PRKCD: variants seen among roughly 807,000 people sequenced by gnomAD.
PRKCD encodes protein kinase C delta type.
Under a neutral mutation model 82.2 loss-of-function variants are expected in PRKCD, and 20 were observed. The ratio of observed to expected loss-of-function variants is 0.24; its 90% CI spans 0.17 to 0.35. PRKCD has a LOEUF of 0.35. Ranked by LOEUF, PRKCD falls within the 10% of genes least tolerant of loss-of-function variation. The pLI is 1.00. For missense variants in PRKCD, 607 were observed against 899.0 expected (o/e 0.68, Z 4.15); for synonymous variants, 317 against 337.0 (o/e 0.94, Z 0.65).
chr3:53,177,619 A>G (rs1703255065), intron 2 of PRKCD, among the ~76,000 whole-genome samples: 1 of 152,202 alleles, frequency 6.6e-6, no homozygotes, highest in Admixed American at 6.5e-5. Context: ...TGGGAGAAAG[A>G]GGCAGTACTG....
chr3:53,168,154 C>T lies in PRKCD; in HGVS notation c.-20+2939C>T, dbSNP rs3773730. Among the ~76,000 whole-genome samples the T allele has an allele frequency of 3.9e-4, 60 of 152,346 alleles. No homozygotes were observed. The East Asian group carries it at 0.011, about 29-fold the overall frequency. Reference sequence around the variant, plus strand: ...AGGGGGTGGACGTAAGCCCTCCTGCCAGCCTGCTTACCCTTCAGACCCCTG... The same window carrying T: ...AGGGGGTGGACGTAAGCCCTCCTGCTAGCCTGCTTACCCTTCAGACCCCTG... On this transcript the variant is annotated intron_variant, in intron 2 of 18. Transcript: ENST00000330452.
chr3:53,190,632 C>T (rs1349762196), intron 18 of PRKCD, among the ~76,000 whole-genome samples: 7 of 152,208 alleles, frequency 4.6e-5, no homozygotes, highest in African/African-American at 7.2e-5. Context: ...ACCAAGGAAC[C>T]AGCCTGAGAG....
intron 8 of PRKCD, 65 bp downstream of exon 8, chr3:53,183,271 C>T (rs910061924): frequency 5.7e-6 from 9 of 1,585,458 alleles, no homozygotes; most frequent in East Asian, 4.5e-5. Flanking sequence ...GGGATTTGCA[C>T]CCTCTCCCCA....
chr3:53,181,919 T>C (rs1181750213), intron 7 of PRKCD, 187 bp downstream of exon 7: 1 of 827,954 alleles, frequency 1.2e-6, no homozygotes, highest in African/African-American at 1.7e-5. Context: ...GAAAACCAGT[T>C]CTGCGCATCT....
At position 53,185,658 on chromosome 3, in the gene PRKCD, G is replaced by C; in HGVS notation, c.943G>C (p.Gly315Arg). ...ASSEPVGIYQ[G>R]FEKKTGVAGE... ...CTCAGAGCCTGTTGGGATATATCAG[G>C]GTTTCGAGAAGAAGACCGGAGTTGC... Residue 315 changes from glycine (G) to arginine (R), a missense_variant, in exon 11 of 19, where the codon GGT becomes CGT. By Grantham distance (125) the Gly-to-Arg change is moderately radical. This residue lies in a region of PRKCD where 85 missense variants were observed against 76.1 expected (regional missense o/e 1.12). Transcript: ENST00000330452. The C allele has an allele frequency of 1.2e-6, 2 of 1,612,978 alleles. No individual in the cohort carries two copies. Among genetic ancestry groups the C allele is most frequent in the Non-Finnish European group, 1.7e-6 (2 of 1,180,012 alleles).
rs1299665569 is a variant in PRKCD at position 53,181,190 on chromosome 3, C to A, written c.316-17C>A. 6.2e-7 allele frequency: 1 copy of A among 1,612,498 alleles called. No individual in the cohort carries two copies. Among genetic ancestry groups the A allele is most frequent in the East Asian group, 2.2e-5 (1 of 44,838 alleles). ...CCTCACTGACCTTGTTCTCCCCTGG[C>A]CTCTGGCCCCCAACAGCTGGACCTG... On this transcript the variant is annotated splice_polypyrimidine_tract_variant and intron_variant, in intron 4 of 18. Coordinates refer to ENST00000330452, the MANE Select transcript of PRKCD (RefSeq NM_006254.4).
In PRKCD at chr3:53,179,824, G is replaced by C. The variant is rs112577743; in HGVS notation, c.315+48G>C. 44 of 837,208 alleles carry C rather than the reference G, an allele frequency of 5.3e-5. No homozygotes were observed. The Middle Eastern group carries it at 1.6e-3, about 30-fold the overall frequency. 51.9% of individuals were successfully genotyped at this position (837,208 alleles called of 1,614,324 possible). ...CGTGTGTGTGTGTGTGTGTGTCTGT[G>C]TGTGTGTGCATGCGTGCATGTGTGT... On this transcript the variant is annotated intron_variant, in intron 4 of 18. Transcript: ENST00000330452.
At chr3:53,189,480 C>G (rs186910580) in intron 17 of PRKCD, among the ~76,000 whole-genome samples, 2 of 152,186 alleles carry the variant, frequency 1.3e-5, no homozygotes, top group Non-Finnish European at 2.9e-5. Flanking sequence ...GAGACAGACC[C>G]GAGGCCAAAT....
chr3:53,167,330 G>A (rs1366099587), intron 2 of PRKCD, among the ~76,000 whole-genome samples: 1 of 152,224 alleles, frequency 6.6e-6, no homozygotes, highest in Non-Finnish European at 1.5e-5. Flanking sequence ...GGCTCTAGGA[G>A]AAGGGCAGGG....
chr3:53,168,356 G>A (rs11715660), intron 2 of PRKCD, among the ~76,000 whole-genome samples: 2,405 of 152,360 alleles, frequency 0.016, 32 homozygotes, highest in Non-Finnish European at 0.024. Flanking sequence ...GGCCTTCACT[G>A]TGTGGGGCCC....
In PRKCD at chr3:53,183,101, T is replaced by C. The variant is rs782012946; in HGVS notation, c.572-20T>C. 9 of 1,613,490 alleles carry C rather than the reference T, an allele frequency of 5.6e-6. No individual in the cohort carries two copies. In the South Asian group the frequency reaches 9.9e-5, roughly 18 times the overall value. On this transcript the variant is annotated intron_variant, in intron 7 of 18. Transcript: ENST00000330452. ...TCCCGGTGCTTTCCCTTCCCCCTCC[T>C]GGGCCTGTGCCTCTTCAAGAATGTA...
intron 7 of PRKCD, among the ~76,000 whole-genome samples, chr3:53,182,588 T>C (rs1401313024): frequency 6.6e-6 from 1 of 152,118 alleles, no homozygotes; most frequent in African/African-American, 2.4e-5. Context: ...AAATTAGATA[T>C]AACTATAATG....
chr3:53,181,283 G>T lies in PRKCD; in HGVS notation c.376+16G>T, dbSNP rs782642410. The T allele has an allele frequency of 1.9e-4, 305 of 1,613,344 alleles. No homozygotes were observed. The highest frequency in any genetic ancestry group is 7.6e-6 in the Non-Finnish European group (9 of 1,179,704). On this transcript the variant is annotated intron_variant, in intron 5 of 18. Transcript: ENST00000330452. ...GAGGACGTGGGTAAGAACTCCCTGG[G>T]GGTGGAGGGCTCCCTTGCCGGGTTC... is the stretch of plus-strand genomic sequence containing the variant.
chr3:53,178,096 C>T (rs1703279062), intron 2 of PRKCD, among the ~76,000 whole-genome samples: 1 of 152,014 alleles, frequency 6.6e-6, no homozygotes, highest in African/African-American at 2.4e-5. Context: ...CAGGCATGCA[C>T]CACCACACCC....
At chr3:53,188,387 C>T (rs1553669857) in intron 15 of PRKCD, among the ~76,000 whole-genome samples, 1 of 152,104 alleles carries the variant, frequency 6.6e-6, no homozygotes, top group Non-Finnish European at 1.5e-5. Context: ...GACATGGTCT[C>T]TGCCTGTGGG....
At chr3:53,165,497 G>T (rs1344735325) in intron 2 of PRKCD, among the ~76,000 whole-genome samples, 1 of 152,242 alleles carries the variant, frequency 6.6e-6, no homozygotes, top group African/African-American at 2.4e-5. Context: ...GCAAAAAGTA[G>T]TAACGCTTTT....
intron 3 of PRKCD, 115 bp from the exon 4 acceptor site, chr3:53,179,462 G>A: frequency 1.5e-6 from 2 of 1,363,782 alleles, no homozygotes; most frequent in African/African-American, 1.4e-5. Flanking sequence ...GGGAACCACA[G>A]CAGGCCCTCA....
At chr3:53,185,890 G>T (rs1703660072) in intron 11 of PRKCD, 37 bp from the exon 12 acceptor site, 3 of 1,608,964 alleles carry the variant, frequency 1.9e-6, no homozygotes. Context: ...TGTGTAGACT[G>T]AGACCCCGAT....
At chr3:53,184,690 A>AAGAG (rs1158515006) in intron 9 of PRKCD, among the ~76,000 whole-genome samples, 184 bp from the exon 10 acceptor site, 2 of 148,812 alleles carry the variant, frequency 1.3e-5, no homozygotes, top group African/African-American at 5.0e-5. Flanking sequence ...AAAAAAAAAA[A>AAGAG]AGAGAGAGAG....
Sources: gnomAD v4.1 joint callset for allele counts (sites outside exome capture counted in the v4.1 genomes callset) on GRCh38, gnomAD v4.1.1 for gene constraint, gnomAD v4.1.1 regional missense constraint, MANE v1.5 for transcripts, NCBI Gene and HGNC (gene_info 2026-07-23, HGNC 2026-07-21) for gene names.